Variants in CD96 observed in about 807,000 individuals in gnomAD.
CD96 encodes T-cell surface protein tactile.
A neutral mutation model predicts 71.3 loss-of-function variants in CD96; 70 were observed. The ratio of observed to expected loss-of-function variants is 0.98; its 90% CI spans 0.81 to 1.20. The LOEUF (loss-of-function observed/expected upper bound fraction) is 1.20, where lower values mean the gene tolerates loss of function less well. CD96 is among the 50% of genes most tolerant of loss of function. The pLI is 0.00. For synonymous variants in CD96, 248 were observed against 233.0 expected (o/e 1.06, Z -0.59); for missense variants, 742 against 677.5 (o/e 1.10, Z -1.06).
At chr3:111,591,115 C>A (rs1450686656) in intron 5 of CD96, among the ~76,000 whole-genome samples, 1 of 152,178 alleles carries the variant, frequency 6.6e-6, no homozygotes, top group Admixed American at 6.5e-5. Context: ...TGGCTCACGC[C>A]TGTAATCCCA....
chr3:111,576,738 T>C (rs1328830792), intron 3 of CD96, among the ~76,000 whole-genome samples: 1 of 152,184 alleles, frequency 6.6e-6, no homozygotes, highest in East Asian at 1.9e-4. Context: ...AGGTGCTAAA[T>C]AAATTTAAAC....
chr3:111,557,352 A>G (rs1935119961), intron 2 of CD96, among the ~76,000 whole-genome samples: 1 of 55,626 alleles, frequency 1.8e-5, no homozygotes, highest in Non-Finnish European at 3.2e-5. Context: ...TAACGTTTAA[A>G]TCTTTAATCC....
chr3:111,567,437 C>A, intron 2 of CD96, 86 bp from the exon 3 acceptor site: 1 of 1,119,588 alleles, frequency 8.9e-7, no homozygotes, highest in Non-Finnish European at 1.3e-6. Context: ...AATCCCTATA[C>A]TAAAACTGTT....
intron 14 of CD96, among the ~76,000 whole-genome samples, chr3:111,663,114 G>GGA (rs1228141871): frequency 2.0e-5 from 3 of 152,098 alleles, no homozygotes; most frequent in Admixed American, 2.0e-4. Flanking sequence ...GAAGTAAGCA[G>GGA]GAGAGAGAGA....
At chr3:111,552,274 G>T (rs73228122) in intron 2 of CD96, among the ~76,000 whole-genome samples, 18,090 of 151,886 alleles carry the variant, frequency 0.12, 1,171 homozygotes, top group Non-Finnish European at 0.13. Context: ...ATGTGTGTTT[G>T]TCCCCCTCTT....
intron 5 of CD96, among the ~76,000 whole-genome samples, chr3:111,586,737 T>G (rs1461413439): frequency 6.6e-6 from 1 of 152,140 alleles, no homozygotes; most frequent in Non-Finnish European, 1.5e-5. Flanking sequence ...CTCACTATCA[T>G]GATAACAGCA....
chr3:111,570,691 G>A (rs1461421547), intron 3 of CD96: 23 of 1,611,768 alleles, frequency 1.4e-5, no homozygotes, highest in South Asian at 4.4e-5. Context: ...GAATCAGAGG[G>A]GCTGCTGTAG....
chr3:111,621,930 A>G (rs962935826), intron 8 of CD96, among the ~76,000 whole-genome samples: 3 of 152,198 alleles, frequency 2.0e-5, no homozygotes, highest in African/African-American at 7.2e-5. Context: ...TTAGGTAGTC[A>G]ATCTTGTGCA....
Position 111,633,249 on chromosome 3 carries a change from C to T in CD96, c.1322-3947C>T, listed in dbSNP as rs575838061. 7.9e-5 allele frequency among the ~76,000 whole-genome samples: 12 copies of T among 152,006 alleles called. No individual in the cohort carries two copies. In the South Asian group the frequency reaches 2.5e-3, roughly 32 times the overall value. ...CCACCAGCAAGTGAAGCAGTTAGAACACACACAACATTTATCAATTAAGTT... is the reference window on the plus strand; with the variant it reads ...CCACCAGCAAGTGAAGCAGTTAGAATACACACAACATTTATCAATTAAGTT... On this transcript the variant is annotated intron_variant, in intron 10 of 13. Transcript: ENST00000352690.
chr3:111,643,223 A>G (rs927545949), intron 12 of CD96, among the ~76,000 whole-genome samples: 1 of 152,186 alleles, frequency 6.6e-6, no homozygotes, highest in Admixed American at 6.5e-5. Context: ...CAGAATTAAA[A>G]ACAAAAATCA....
chr3:111,614,034 T>A (rs1309931081), intron 8 of CD96, among the ~76,000 whole-genome samples: 1 of 152,234 alleles, frequency 6.6e-6, no homozygotes, highest in East Asian at 1.9e-4. Context: ...ATTATTTGGC[T>A]TTTTTGGTGA....
chr3:111,647,428 A>C (rs973307685), intron 12 of CD96, 115 bp from the exon 13 acceptor site: 2 of 940,794 alleles, frequency 2.1e-6, no homozygotes, highest in Non-Finnish European at 3.5e-6. Context: ...CCTCCAGAGT[A>C]TGATCACAGC....
chr3:111,562,075 G>A (rs571325448), intron 2 of CD96, among the ~76,000 whole-genome samples: 5 of 152,186 alleles, frequency 3.3e-5, no homozygotes, highest in South Asian at 2.1e-4. Context: ...GCTCCCGCAC[G>A]GTGCGCGCAC....
At chr3:111,652,772 G>A (rs1940136251), downstream of CD96, among the ~76,000 whole-genome samples, 1 of 152,050 alleles carries the variant, frequency 6.6e-6, no homozygotes, top group South Asian at 2.1e-4. Flanking sequence ...AGTACTGTGA[G>A]CTTGACCACC....
chr3:111,618,592 T>C (rs1036024424), intron 8 of CD96, among the ~76,000 whole-genome samples: 53 of 149,984 alleles, frequency 3.5e-4, no homozygotes, highest in African/African-American at 1.3e-3. Flanking sequence ...CTTTTTTTTT[T>C]TTTTTTTTTT....
chr3:111,593,279 A>G (rs1937080123), intron 5 of CD96: 4 of 349,186 alleles, frequency 1.1e-5, no homozygotes, highest in Non-Finnish European at 2.0e-5. Flanking sequence ...CCCTGAAACA[A>G]CTCACAGAGT....
At chr3:111,609,710 G>GA (rs912568876) in intron 8 of CD96, among the ~76,000 whole-genome samples, 3 of 152,166 alleles carry the variant, frequency 2.0e-5, no homozygotes, top group African/African-American at 4.8e-5. Flanking sequence ...AAGCAGGGGG[G>GA]AAAAATGCCA....
At chr3:111,620,855 T>A (rs1938488197) in intron 8 of CD96, among the ~76,000 whole-genome samples, 1 of 152,218 alleles carries the variant, frequency 6.6e-6, no homozygotes, top group Non-Finnish European at 1.5e-5. Context: ...ACAAGGTCCC[T>A]AAATAACATA....
chr3:111,583,094 G>T (rs1433179603), intron 4 of CD96, among the ~76,000 whole-genome samples: 1 of 152,188 alleles, frequency 6.6e-6, no homozygotes, highest in Non-Finnish European at 1.5e-5. Context: ...GATATAATGG[G>T]GGTATAAGCA....
Sources: allele counts gnomAD v4.1 joint callset (sites outside exome capture counted in the v4.1 genomes callset), GRCh38; gene constraint gnomAD v4.1.1; transcripts MANE v1.5; gene names NCBI Gene and HGNC (gene_info 2026-07-23, HGNC 2026-07-21).